Variants in DAB1 observed in about 807,000 individuals in gnomAD.
DAB1 encodes disabled homolog 1.
DAB1 carries 15 observed loss-of-function variants against 64.6 expected under a neutral mutation model. The observed-to-expected ratio is 0.23, with a 90% confidence interval of 0.16 to 0.36. The LOEUF (loss-of-function observed/expected upper bound fraction) is 0.36. Ranked by LOEUF, DAB1 falls within the 10% of genes least tolerant of loss-of-function variation. The pLI is 1.00. For synonymous variants in DAB1, 235 were observed against 251.9 expected (o/e 0.93, Z 0.64); for missense variants, 596 against 706.7 (o/e 0.84, Z 1.78).
intron 5 of DAB1, among the ~76,000 whole-genome samples, chr1:57,935,674 C>T (rs947945353): frequency 6.6e-6 from 1 of 152,042 alleles, no homozygotes; most frequent in African/African-American, 2.4e-5. Context: ...AATCACATTG[C>T]TAAGGTCAGT....
In DAB1 at chr1:57,160,217, T is replaced by C. The variant is rs978579451; in HGVS notation, c.68-14788A>G. 3.3e-5 allele frequency among the ~76,000 whole-genome samples: 5 copies of C among 152,230 alleles called. No homozygotes were observed. The South Asian group carries it at 8.3e-4, about 25-fold the overall frequency. On this transcript the variant is annotated intron_variant, in intron 2 of 14. Coordinates refer to ENST00000371236, the MANE Select transcript of DAB1 (RefSeq NM_001365792.1). ...TATATAATAGTTTATTTCATGTTGA[T>C]ACCACTCTGCAAGGCAGGCACAGAA...
chr1:57,122,620 A>G (rs536470355), intron 4 of DAB1, among the ~76,000 whole-genome samples: 166 of 152,296 alleles, frequency 1.1e-3, no homozygotes, highest in African/African-American at 3.7e-3. Context: ...GATGAGTGCC[A>G]TGGGAATACT....
chr1:57,438,267 T>A (rs1212507752), intron 7 of DAB1, among the ~76,000 whole-genome samples: 1 of 152,132 alleles, frequency 6.6e-6, no homozygotes, highest in African/African-American at 2.4e-5. Context: ...ATAATTTGCA[T>A]GTGTAGTTCC....
chr1:58,544,123 CA>C (rs1646665082), intron 1 of DAB1, among the ~76,000 whole-genome samples: 1 of 152,100 alleles, frequency 6.6e-6, no homozygotes, highest in Admixed American at 6.6e-5. Context: ...CCAAATGATT[CA>C]AAACTTTTAA....
At chr1:57,529,485 G>A (rs1056577707) in intron 7 of DAB1, among the ~76,000 whole-genome samples, 2 of 152,010 alleles carry the variant, frequency 1.3e-5, no homozygotes, top group African/African-American at 4.8e-5. Flanking sequence ...TACACATAAT[G>A]CCCTTGAAAT....
At chr1:58,228,647 A>C (rs1379582822) in intron 4 of DAB1, 1 of 963,518 alleles carries the variant, frequency 1.0e-6, no homozygotes, top group African/African-American at 1.6e-5. Flanking sequence ...ATGCCAAAGC[A>C]AAGCAAATGA....
At chr1:58,395,812 G>A (rs1395378114) in intron 3 of DAB1, among the ~76,000 whole-genome samples, 7 of 152,150 alleles carry the variant, frequency 4.6e-5, no homozygotes, top group Non-Finnish European at 8.8e-5. Flanking sequence ...CTTGGTGCTG[G>A]GATTCAGCAT....
rs543887644 is a variant in DAB1, at chr1:57,398,904, A to C, written c.-137+25026T>G. Among the ~76,000 whole-genome samples the C allele has an allele frequency of 2.7e-5, 4 of 150,096 alleles. No individual in the cohort carries two copies. In the East Asian group the frequency reaches 7.8e-4, roughly 29 times the overall value. ...TGGCCTTTCCTTCCTTTGAACACTGACTTGAAGGCTGGCTTAGGGTTTTGA... is the reference window on the plus strand; with the variant it reads ...TGGCCTTTCCTTCCTTTGAACACTGCCTTGAAGGCTGGCTTAGGGTTTTGA... On this transcript the variant is annotated intron_variant, in intron 1 of 14. Coordinates refer to ENST00000371236, the MANE Select transcript of DAB1 (RefSeq NM_001365792.1).
At chr1:58,050,274 A>G (rs1647553962) in intron 5 of DAB1, among the ~76,000 whole-genome samples, 1 of 152,196 alleles carries the variant, frequency 6.6e-6, no homozygotes, top group African/African-American at 2.4e-5. Flanking sequence ...ATATTCAAAG[A>G]GCATGGAGCT....
intron 3 of DAB1, among the ~76,000 whole-genome samples, chr1:58,490,792 A>ATTTTTTT (rs1557438593): frequency 1.0e-5 from 1 of 97,250 alleles, no homozygotes; most frequent in African/African-American, 3.6e-5. Context: ...AATAGTCAAC[A>ATTTTTTT]TTCTTTTTTT....
chr1:58,500,596 GA>G (rs1426957491), intron 3 of DAB1, among the ~76,000 whole-genome samples: 1 of 152,084 alleles, frequency 6.6e-6, no homozygotes, highest in Non-Finnish European at 1.5e-5. Context: ...ATTTGATAAA[GA>G]TTTTTTTAAG....
chr1:58,110,682 C>G (rs1651921833), intron 5 of DAB1, among the ~76,000 whole-genome samples: 1 of 152,190 alleles, frequency 6.6e-6, no homozygotes, highest in Non-Finnish European at 1.5e-5. Context: ...GAGAGGCACT[C>G]TTTATCCTTT....
At chr1:57,532,488 C>T (rs1644676470) in intron 7 of DAB1, among the ~76,000 whole-genome samples, 2 of 152,210 alleles carry the variant, frequency 1.3e-5, no homozygotes, top group Admixed American at 1.3e-4. Context: ...CATCTGAGGG[C>T]AGAGCCTGCA....
chr1:57,793,484 A>G (rs190692352), intron 6 of DAB1, among the ~76,000 whole-genome samples: 2 of 152,178 alleles, frequency 1.3e-5, no homozygotes, highest in South Asian at 2.1e-4. Context: ...CAACAGATAC[A>G]GTGGGCCATG....
chr1:57,805,086 C>G (rs1651301292), intron 6 of DAB1, among the ~76,000 whole-genome samples: 1 of 152,158 alleles, frequency 6.6e-6, no homozygotes, highest in Non-Finnish European at 1.5e-5. Flanking sequence ...CCTAAGGCAG[C>G]ATGTGGTATT....
At chr1:58,534,377 A>G (rs762276317) in intron 1 of DAB1, 9 of 770,630 alleles carry the variant, frequency 1.2e-5, no homozygotes, top group South Asian at 3.2e-5. Context: ...GCACTACAAA[A>G]TGCTTACTCT....
intron 6 of DAB1, among the ~76,000 whole-genome samples, chr1:57,741,112 T>A (rs140525105): frequency 4.6e-4 from 70 of 152,278 alleles, no homozygotes; most frequent in African/African-American, 1.7e-3. Flanking sequence ...GCGTTAGACA[T>A]TAAATTTTAA....
At chr1:58,320,693 T>C (rs1359055484) in intron 4 of DAB1, among the ~76,000 whole-genome samples, 1 of 152,230 alleles carries the variant, frequency 6.6e-6, no homozygotes, top group Non-Finnish European at 1.5e-5. Flanking sequence ...GGCCTGGTCA[T>C]GTTGAACATA....
chr1:58,296,560 G>A (rs892290361), intron 4 of DAB1, among the ~76,000 whole-genome samples: 1 of 152,174 alleles, frequency 6.6e-6, no homozygotes, highest in Non-Finnish European at 1.5e-5. Context: ...TGTTGACTAT[G>A]CTTTTATTTG....
Sources: allele counts gnomAD v4.1 joint callset (sites outside exome capture counted in the v4.1 genomes callset), GRCh38; gene constraint gnomAD v4.1.1; transcripts MANE v1.5; gene names NCBI Gene and HGNC (gene_info 2026-07-23, HGNC 2026-07-21).